The following C1QTNF3 variants were observed in gnomAD, a reference collection of about 807,000 sequenced individuals.
C1QTNF3 encodes complement C1q tumor necrosis factor-related protein 3.
A neutral mutation model predicts 32.6 loss-of-function variants in C1QTNF3; 26 were observed. The observed-to-expected ratio is 0.80, with a 90% CI of 0.58 to 1.11. The LOEUF (loss-of-function observed/expected upper bound fraction) is 1.11. Ranked by LOEUF, C1QTNF3 falls within the 50% of genes least tolerant of loss-of-function variation. The probability of loss-of-function intolerance (pLI) is 0.00; values close to 1 mark genes in which losing one functional copy is unlikely to be tolerated. For missense variants in C1QTNF3, 362 were observed against 398.2 expected (o/e 0.91, Z 0.77); for synonymous variants, 155 against 146.0 (o/e 1.06, Z -0.44).
chr5:34,207,850 G>C, the C1QTNF3 span, among the ~76,000 whole-genome samples: 5 of 151,856 alleles, frequency 3.3e-5, no homozygotes, highest in African/African-American at 4.8e-5. Flanking sequence ...TGCAGTGGCG[G>C]GATCTCAGCT....
At chr5:34,062,402 T>C in the C1QTNF3 span, among the ~76,000 whole-genome samples, 9 of 152,220 alleles carry the variant, frequency 5.9e-5, no homozygotes, top group South Asian at 1.4e-3. Flanking sequence ...CTTAAACTTT[T>C]TGTTGCCCCA....
the C1QTNF3 span, among the ~76,000 whole-genome samples, chr5:34,171,460 T>C: frequency 7.9e-5 from 12 of 152,160 alleles, no homozygotes; most frequent in African/African-American, 2.6e-4. Context: ...GTAGGGACAT[T>C]TGTATATTTC....
At chr5:34,039,006 A>G (rs990357041) in intron 1 of C1QTNF3, among the ~76,000 whole-genome samples, 3 of 152,192 alleles carry the variant, frequency 2.0e-5, no homozygotes, top group Admixed American at 6.5e-5. Flanking sequence ...CAGCTTCCCA[A>G]TAAGATCTCA....
the C1QTNF3 span, among the ~76,000 whole-genome samples, chr5:34,208,921 C>G: frequency 1.3e-5 from 2 of 152,220 alleles, no homozygotes; most frequent in South Asian, 4.1e-4. Context: ...ACGGTCTCAA[C>G]CAGGGGTGAT....
At chr5:34,073,099 G>A in the C1QTNF3 span, among the ~76,000 whole-genome samples, 6 of 152,110 alleles carry the variant, frequency 3.9e-5, no homozygotes, top group Non-Finnish European at 7.4e-5. Flanking sequence ...AAGCCGTGGC[G>A]GGTGGATCAC....
At chr5:34,222,985 C>A in the C1QTNF3 span, among the ~76,000 whole-genome samples, 17 of 151,794 alleles carry the variant, frequency 1.1e-4, no homozygotes, top group Admixed American at 1.1e-3. Context: ...TGGTGTAGTG[C>A]TATAATTAAA....
chr5:34,218,857 T>C, the C1QTNF3 span, among the ~76,000 whole-genome samples: 1 of 152,052 alleles, frequency 6.6e-6, no homozygotes, highest in Non-Finnish European at 1.5e-5. Context: ...AGCAAAAAAG[T>C]ACCCTTATTA....
At chr5:34,082,702 G>A in the C1QTNF3 span, among the ~76,000 whole-genome samples, 24 of 151,652 alleles carry the variant, frequency 1.6e-4, no homozygotes, top group African/African-American at 5.4e-4. Context: ...AATAACCTGC[G>A]TCTGAAACAC....
the C1QTNF3 span, among the ~76,000 whole-genome samples, chr5:34,088,350 T>C: frequency 1.3e-5 from 2 of 152,254 alleles, no homozygotes; most frequent in African/African-American, 4.8e-5. Context: ...GTTGTGTTAA[T>C]GTAGCCACAA....
the C1QTNF3 span, among the ~76,000 whole-genome samples, chr5:34,054,915 C>A: frequency 6.6e-6 from 1 of 151,958 alleles, no homozygotes; most frequent in South Asian, 2.1e-4. Flanking sequence ...CCAAAAAGCA[C>A]GCATATCAAT....
At chr5:34,133,749 T>C in the C1QTNF3 span, among the ~76,000 whole-genome samples, 2 of 152,226 alleles carry the variant, frequency 1.3e-5, no homozygotes, top group Non-Finnish European at 2.9e-5. Context: ...ATTAGAATAA[T>C]AATTGAAATG....
At chr5:34,113,755 A>G in the C1QTNF3 span, among the ~76,000 whole-genome samples, 1 of 152,154 alleles carries the variant, frequency 6.6e-6, no homozygotes, top group Non-Finnish European at 1.5e-5. Flanking sequence ...TTGGAACATA[A>G]CCCAAAAAGC....
chr5:34,162,856 T>C, the C1QTNF3 span, among the ~76,000 whole-genome samples: 1 of 152,164 alleles, frequency 6.6e-6, no homozygotes, highest in Non-Finnish European at 1.5e-5. Context: ...ATTTTAAAAT[T>C]GTTTTAATTG....
At chr5:34,095,774 T>C in the C1QTNF3 span, among the ~76,000 whole-genome samples, 1,879 of 152,136 alleles carry the variant, frequency 0.012, 21 homozygotes, top group South Asian at 0.03. Context: ...AAGTTACCTC[T>C]TGGCTTTTAA....
chr5:34,228,681 G>T, the C1QTNF3 span, among the ~76,000 whole-genome samples: 1 of 151,850 alleles, frequency 6.6e-6, no homozygotes, highest in Middle Eastern at 3.4e-3. Flanking sequence ...TGAGATATCG[G>T]TATCTGCAAA....
the C1QTNF3 span, among the ~76,000 whole-genome samples, chr5:34,116,325 T>C: frequency 1.3e-5 from 2 of 152,144 alleles, no homozygotes; most frequent in Non-Finnish European, 2.9e-5. Context: ...CTAAATAGAG[T>C]GTCCTATAGA....
intron 4 of C1QTNF3, among the ~76,000 whole-genome samples, chr5:34,026,097 T>C (rs1256364373): frequency 6.6e-6 from 1 of 152,162 alleles, no homozygotes; most frequent in Non-Finnish European, 1.5e-5. Flanking sequence ...ATGAGTAGAA[T>C]TGAAAAACAA....
chr5:34,162,015 A>T, the C1QTNF3 span, among the ~76,000 whole-genome samples: 2 of 152,168 alleles, frequency 1.3e-5, no homozygotes, highest in South Asian at 2.1e-4. Context: ...TCATTACATA[A>T]AGTTAGTTTT....
At chr5:34,117,127 T>C in the C1QTNF3 span, among the ~76,000 whole-genome samples, 1 of 152,094 alleles carries the variant, frequency 6.6e-6, no homozygotes, top group African/African-American at 2.4e-5. Flanking sequence ...GGGAGTGATA[T>C]CTAATACATC....
Sources: gnomAD v4.1 joint callset for allele counts (sites outside exome capture counted in the v4.1 genomes callset) on GRCh38, gnomAD v4.1.1 for gene constraint, MANE v1.5 for transcripts, NCBI Gene and HGNC (gene_info 2026-07-23, HGNC 2026-07-21) for gene names.